Variants in NCKAP5 observed in about 807,000 individuals in gnomAD.
NCKAP5 encodes nck-associated protein 5.
Under a neutral mutation model 167.0 loss-of-function variants are expected in NCKAP5, and 92 were observed. The ratio of observed to expected loss-of-function variants is 0.55; its 90% CI spans 0.47 to 0.66. The LOEUF (loss-of-function observed/expected upper bound fraction) is 0.66, where lower values mean the gene tolerates loss of function less well. Among genes scored for constraint, NCKAP5 ranks in the 30% least tolerant of loss-of-function variants. The probability of loss-of-function intolerance (pLI) is 0.00; values close to 1 mark genes in which losing one functional copy is unlikely to be tolerated. For synonymous variants in NCKAP5, 891 were observed against 877.4 expected (o/e 1.02, Z -0.27); for missense variants, 2,378 against 2,315.0 (o/e 1.03, Z -0.56).
chr2:132,952,629 T>C (rs1443070338), intron 8 of NCKAP5, among the ~76,000 whole-genome samples: 1 of 152,216 alleles, frequency 6.6e-6, no homozygotes, highest in Non-Finnish European at 1.5e-5. Context: ...AAGAGGAATC[T>C]TCGGCTGCCT....
At chr2:132,796,523 G>A in intron 12 of NCKAP5, 105 bp downstream of exon 12, 1 of 659,916 alleles carries the variant, frequency 1.5e-6, no homozygotes, top group Non-Finnish European at 2.6e-6. Context: ...TTATCTGCCT[G>A]ACAATGCTTC....
At chr2:133,510,898 A>G (rs146113657) in intron 3 of NCKAP5, among the ~76,000 whole-genome samples, 83 of 152,320 alleles carry the variant, frequency 5.4e-4, no homozygotes, top group East Asian at 3.3e-3. Flanking sequence ...AATAGGGGTA[A>G]TTAGAGTTCC....
At chr2:133,382,514 C>T (rs1394636005) in intron 3 of NCKAP5, among the ~76,000 whole-genome samples, 1 of 152,188 alleles carries the variant, frequency 6.6e-6, no homozygotes, top group East Asian at 1.9e-4. Context: ...TAACTCTCTG[C>T]ACACCACACT....
chr2:133,328,852 G>A lies in NCKAP5; in HGVS notation c.70-25742C>T, dbSNP rs143137182. Among the ~76,000 whole-genome samples, 173 of 152,212 alleles carry A rather than the reference G, an allele frequency of 1.1e-3. 1 individual carries two copies. Among genetic ancestry groups the A allele is most frequent in the African/African-American group, 3.9e-3 (163 of 41,532 alleles). On this transcript the variant is annotated intron_variant, in intron 3 of 19. Coordinates refer to ENST00000409261, the MANE Select transcript of NCKAP5 (RefSeq NM_207363.3). ...AGTTCTGAAATGTCATGAAATGCTG[G>A]GAACTTTCATGGAAAGAAAAACTTG...
chr2:132,676,719 A>G (rs1684544485), intron 19 of NCKAP5, among the ~76,000 whole-genome samples: 1 of 152,208 alleles, frequency 6.6e-6, no homozygotes, highest in Admixed American at 6.5e-5. Flanking sequence ...CAAACTAATC[A>G]TGGTAATAAC....
chr2:133,476,717 G>A (rs144568874), intron 3 of NCKAP5, among the ~76,000 whole-genome samples: 23 of 152,214 alleles, frequency 1.5e-4, no homozygotes, highest in South Asian at 8.3e-4. Flanking sequence ...ATCTGTCTTC[G>A]GTTCTCCTTC....
chr2:132,684,725 T>C (rs970408777), intron 19 of NCKAP5, among the ~76,000 whole-genome samples: 4 of 152,154 alleles, frequency 2.6e-5, no homozygotes, highest in Non-Finnish European at 4.4e-5. Flanking sequence ...GCTGTGAAAA[T>C]GCAAGATGTT....
chr2:132,801,468 T>C (rs1685030214), intron 11 of NCKAP5, among the ~76,000 whole-genome samples: 1 of 152,176 alleles, frequency 6.6e-6, no homozygotes, highest in Non-Finnish European at 1.5e-5. Flanking sequence ...TTTACACATG[T>C]ATATGTAGTG....
At chr2:133,325,379 T>A (rs1051944656) in intron 3 of NCKAP5, among the ~76,000 whole-genome samples, 21 of 152,320 alleles carry the variant, frequency 1.4e-4, no homozygotes, top group African/African-American at 5.1e-4. Flanking sequence ...AGTGCCTACA[T>A]AAACCTGAGA....
intron 6 of NCKAP5, among the ~76,000 whole-genome samples, chr2:133,084,850 T>G (rs928748875): frequency 6.6e-6 from 1 of 152,142 alleles, no homozygotes; most frequent in Non-Finnish European, 1.5e-5. Flanking sequence ...GTTTTTCATA[T>G]AGAGAGACTT....
chr2:133,509,365 T>TAC (rs1279845344), intron 3 of NCKAP5, among the ~76,000 whole-genome samples: 5 of 152,126 alleles, frequency 3.3e-5, no homozygotes, highest in Non-Finnish European at 5.9e-5. Context: ...CAAAAAACTT[T>TAC]ACACACACAC....
chr2:132,919,209 C>T (rs1286821131), intron 8 of NCKAP5, among the ~76,000 whole-genome samples: 1 of 152,118 alleles, frequency 6.6e-6, no homozygotes, highest in Non-Finnish European at 1.5e-5. Context: ...CCTTCTTGGT[C>T]TGGGGGATGG....
intron 16 of NCKAP5, among the ~76,000 whole-genome samples, chr2:132,744,135 C>T (rs1679441709): frequency 6.6e-6 from 1 of 151,640 alleles, no homozygotes; most frequent in South Asian, 2.1e-4. Context: ...AGTAGAGAGA[C>T]TATCACAAGG....
At chr2:133,298,485 G>C (rs1680120840) in intron 4 of NCKAP5, among the ~76,000 whole-genome samples, 1 of 152,106 alleles carries the variant, frequency 6.6e-6, no homozygotes, top group South Asian at 2.1e-4. Context: ...GCCTGAAATG[G>C]AATTTTAATT....
intron 6 of NCKAP5, among the ~76,000 whole-genome samples, chr2:133,025,857 C>T (rs116746267): frequency 0.014 from 2,167 of 152,266 alleles, 39 homozygotes; most frequent in African/African-American, 0.049. Context: ...AGTACATGTG[C>T]ATCATGTGCA....
chr2:132,713,287 G>A (rs764179188), intron 19 of NCKAP5, among the ~76,000 whole-genome samples: 9 of 152,162 alleles, frequency 5.9e-5, no homozygotes, highest in Non-Finnish European at 8.8e-5. Flanking sequence ...AGCTCTCCAC[G>A]TAGCAGAGAC....
chr2:133,159,551 G>C (rs1048185879), intron 5 of NCKAP5, among the ~76,000 whole-genome samples: 7 of 152,164 alleles, frequency 4.6e-5, no homozygotes, highest in Non-Finnish European at 1.0e-4. Context: ...CTATAGGGAG[G>C]GCAGTCCCAC....
chr2:133,559,667 G>C (rs185445968), intron 1 of NCKAP5, among the ~76,000 whole-genome samples: 3 of 152,082 alleles, frequency 2.0e-5, no homozygotes, highest in South Asian at 2.1e-4. Flanking sequence ...TGCCTGACAA[G>C]GTTAAATAAC....
At chr2:133,324,033 C>G (rs1458056458) in intron 3 of NCKAP5, among the ~76,000 whole-genome samples, 2 of 152,202 alleles carry the variant, frequency 1.3e-5, no homozygotes, top group Non-Finnish European at 2.9e-5. Flanking sequence ...ATACTCATTT[C>G]CAGGTTCAGC....
Sources: allele counts gnomAD v4.1 joint callset (sites outside exome capture counted in the v4.1 genomes callset), GRCh38; gene constraint gnomAD v4.1.1; transcripts MANE v1.5; gene names NCBI Gene and HGNC (gene_info 2026-07-23, HGNC 2026-07-21).